The following HCRTR2 variants were observed in gnomAD, a reference collection of about 807,000 sequenced individuals.
The protein encoded by HCRTR2 is hypocretin receptor 2.
HCRTR2 carries 22 observed loss-of-function variants against 49.0 expected under a neutral mutation model. That is an observed-to-expected ratio of 0.45 (90% CI 0.32 to 0.64). The LOEUF (loss-of-function observed/expected upper bound fraction) is 0.64. Ranked by LOEUF, HCRTR2 falls within the 30% of genes least tolerant of loss-of-function variation. HCRTR2 has a pLI of 0.04. For missense variants in HCRTR2, 491 were observed against 559.4 expected (o/e 0.88, Z 1.23); for synonymous variants, 236 against 205.3 (o/e 1.15, Z -1.28).
At chr6:55,108,771 T>A (rs1382844113) in intron 1 of HCRTR2, among the ~76,000 whole-genome samples, 1 of 152,128 alleles carries the variant, frequency 6.6e-6, no homozygotes, top group Non-Finnish European at 1.5e-5. Context: ...TCTGGCTTTT[T>A]GTAATTTTGT....
chr6:55,138,174 C>T (rs1333344712), intron 1 of HCRTR2, among the ~76,000 whole-genome samples: 2 of 152,002 alleles, frequency 1.3e-5, no homozygotes, highest in Non-Finnish European at 2.9e-5. Flanking sequence ...AAAAAAGAAG[C>T]TTTAAGCTTT....
chr6:55,221,612 G>C (rs748341978), intron 1 of HCRTR2, among the ~76,000 whole-genome samples: 4 of 152,080 alleles, frequency 2.6e-5, no homozygotes, highest in Non-Finnish European at 5.9e-5. Flanking sequence ...AGAAGATCGA[G>C]ACCATCCTGG....
At chr6:55,117,897 A>G (rs1466615374) in intron 1 of HCRTR2, among the ~76,000 whole-genome samples, 1 of 145,662 alleles carries the variant, frequency 6.9e-6, no homozygotes, top group Non-Finnish European at 1.5e-5. Context: ...TCCTTTATTT[A>G]ACTTTTATTT....
At chr6:55,234,322 G>GA (rs1205870360) in intron 1 of HCRTR2, among the ~76,000 whole-genome samples, 1 of 151,574 alleles carries the variant, frequency 6.6e-6, no homozygotes, top group Non-Finnish European at 1.5e-5. Context: ...CTGACTTATA[G>GA]AAAAAAAGGT....
intron 1 of HCRTR2, among the ~76,000 whole-genome samples, chr6:55,133,154 A>G (rs1322737201): frequency 6.6e-6 from 1 of 151,866 alleles, no homozygotes; most frequent in African/African-American, 2.4e-5. Context: ...ATTACCACCA[A>G]TAAGTAAAAT....
At chr6:55,254,762 G>C (rs1019837106) in intron 2 of HCRTR2, among the ~76,000 whole-genome samples, 3 of 149,568 alleles carry the variant, frequency 2.0e-5, no homozygotes, top group African/African-American at 7.4e-5. Context: ...CTAAACATAT[G>C]TGTTTTTTTT....
chr6:55,134,805 G>A (rs1189837027), intron 1 of HCRTR2, among the ~76,000 whole-genome samples: 1 of 151,858 alleles, frequency 6.6e-6, no homozygotes, highest in African/African-American at 2.4e-5. Context: ...GCAAATGGCA[G>A]GATTTCCTTC....
intron 1 of HCRTR2, among the ~76,000 whole-genome samples, chr6:55,218,158 A>C (rs552284299): frequency 6.3e-4 from 96 of 152,300 alleles, no homozygotes; most frequent in African/African-American, 2.2e-3. Context: ...TAATCTGTGA[A>C]TCCATGAGTA....
At chr6:55,162,018 GA>G (rs1339510807) in intron 1 of HCRTR2, among the ~76,000 whole-genome samples, 1 of 152,130 alleles carries the variant, frequency 6.6e-6, no homozygotes, top group African/African-American at 2.4e-5. Flanking sequence ...AAACCTGGCA[GA>G]GACATACACA....
intron 1 of HCRTR2, among the ~76,000 whole-genome samples, chr6:55,210,500 T>G (rs959408871): frequency 2.0e-5 from 3 of 152,152 alleles, no homozygotes; most frequent in Non-Finnish European, 4.4e-5. Context: ...TCAAAAGTGG[T>G]AACTCATCTC....
In HCRTR2 at chr6:55,264,306, G is replaced by A. The variant is rs918381035; in HGVS notation, c.762+484G>A. Among the ~76,000 whole-genome samples the A allele has an allele frequency of 3.3e-5, 5 of 152,068 alleles. No individual in the cohort carries two copies. In the South Asian group the frequency reaches 6.2e-4, roughly 19 times the overall value. On this transcript the variant is annotated intron_variant, in intron 4 of 6. Transcript: ENST00000370862. The stretch of plus-strand genomic sequence containing the variant: ...GATCTTATTTTTTAGAATATTATAA[G>A]AATCAGGCAGAATGTATAATTTTAA...
At chr6:55,155,976 T>C (rs980411363) in intron 1 of HCRTR2, among the ~76,000 whole-genome samples, 2 of 151,940 alleles carry the variant, frequency 1.3e-5, no homozygotes, top group African/African-American at 4.8e-5. Flanking sequence ...AAAAGTCATC[T>C]AAACTTCAGG....
rs979553629 is a variant in HCRTR2, at chr6:55,260,335, G to C, written c.647-3372G>C. On this transcript the variant is annotated intron_variant, in intron 3 of 6. Coordinates refer to ENST00000370862, the MANE Select transcript of HCRTR2 (RefSeq NM_001384272.1). ...CAAATAAAAGTTCAAAGCCTCTTAG[G>C]TGCCTGGGAAGTGCTGAGATCACTT... Among the ~76,000 whole-genome samples, 4 of 152,160 alleles carry C rather than the reference G, an allele frequency of 2.6e-5. No homozygotes were observed. The East Asian group carries it at 7.7e-4, about 29-fold the overall frequency.
intron 1 of HCRTR2, among the ~76,000 whole-genome samples, chr6:55,156,258 T>C (rs749266738): frequency 2.6e-5 from 4 of 151,982 alleles, no homozygotes; most frequent in Non-Finnish European, 4.4e-5. Context: ...TACAGCCATT[T>C]CTAATTACAT....
At chr6:55,154,729 A>G (rs1764708337) in intron 1 of HCRTR2, among the ~76,000 whole-genome samples, 1 of 150,990 alleles carries the variant, frequency 6.6e-6, no homozygotes, top group South Asian at 2.1e-4. Flanking sequence ...TAAATAAATA[A>G]ATAAAATCCA....
At chr6:55,273,062 C>T (rs1482511005) in intron 4 of HCRTR2, among the ~76,000 whole-genome samples, 2 of 151,872 alleles carry the variant, frequency 1.3e-5, no homozygotes, top group African/African-American at 2.4e-5. Context: ...AATTACAGTC[C>T]TCGTTATAAG....
chr6:55,150,179 G>T (rs1369327173), intron 1 of HCRTR2, among the ~76,000 whole-genome samples: 1 of 151,756 alleles, frequency 6.6e-6, no homozygotes, highest in African/African-American at 2.4e-5. Flanking sequence ...GACATTAAAA[G>T]TTGACTATAA....
At chr6:55,270,250 T>C (rs1454859805) in intron 4 of HCRTR2, among the ~76,000 whole-genome samples, 1 of 152,196 alleles carries the variant, frequency 6.6e-6, no homozygotes, top group Non-Finnish European at 1.5e-5. Context: ...AGTCTGTTAA[T>C]CAAATCAATT....
chr6:55,150,206 CA>C (rs1764645696), intron 1 of HCRTR2, among the ~76,000 whole-genome samples: 1 of 151,878 alleles, frequency 6.6e-6, no homozygotes, highest in Non-Finnish European at 1.5e-5. Context: ...ACAATGTATA[CA>C]ACTTGATGAG....
Sources: allele counts gnomAD v4.1 joint callset (sites outside exome capture counted in the v4.1 genomes callset), GRCh38; gene constraint gnomAD v4.1.1; transcripts MANE v1.5; gene names NCBI Gene and HGNC (gene_info 2026-07-23, HGNC 2026-07-21).